Variants in TRIM69 observed in about 807,000 individuals in gnomAD.
TRIM69 encodes the protein E3 ubiquitin-protein ligase TRIM69.
A neutral mutation model predicts 37.7 loss-of-function variants in TRIM69; 29 were observed. The ratio of observed to expected loss-of-function variants is 0.77; its 90% CI spans 0.57 to 1.05. TRIM69 has a LOEUF of 1.05. Ranked by LOEUF, TRIM69 falls within the 50% of genes least tolerant of loss-of-function variation. The pLI, the probability that TRIM69 is intolerant of heterozygous loss-of-function variation, is 0.00. For missense variants in TRIM69, 596 were observed against 579.9 expected (o/e 1.03, Z -0.28); for synonymous variants, 209 against 212.4 (o/e 0.98, Z 0.14).
intron 1 of TRIM69, among the ~76,000 whole-genome samples, chr15:44,737,947 G>T (rs2141302936): frequency 6.6e-6 from 1 of 151,980 alleles, no homozygotes; most frequent in Middle Eastern, 3.4e-3. Context: ...AAAAATTAAG[G>T]ATTTCTTATG....
At chr15:44,740,975 A>G (rs1177169360) in intron 1 of TRIM69, among the ~76,000 whole-genome samples, 8 of 152,032 alleles carry the variant, frequency 5.3e-5, no homozygotes, top group Non-Finnish European at 1.2e-4. Context: ...CCTAATAGAC[A>G]TCTACAGAAC....
chr15:44,755,062 G>A lies in TRIM69; in HGVS notation c.169G>A (p.Gly57Ser), dbSNP rs765939742. Residue 57 changes from glycine (G) to serine (S), a missense_variant, in exon 2 of 7, where the codon GGC becomes AGC. Gly to Ser is a moderately conservative substitution (Grantham distance 56, BLOSUM62 0). Coordinates refer to ENST00000329464, the MANE Select transcript of TRIM69 (RefSeq NM_182985.5). The stretch of plus-strand genomic sequence containing the variant: ...CCGAGACCCACTGATGCTAAGCTGT[G>A]GCCACAACTTCTGTGAAGCCTGTAT... ...WFRDPLMLSC[G>S]HNFCEACIQD... The A allele has an allele frequency of 6.2e-7, 1 of 1,614,146 alleles. No individual in the cohort carries two copies. Among genetic ancestry groups the A allele is most frequent in the Admixed American group, 1.7e-5 (1 of 60,014 alleles).
intron 1 of TRIM69, among the ~76,000 whole-genome samples, chr15:44,737,409 C>T (rs1209144712): frequency 6.6e-6 from 1 of 152,082 alleles, no homozygotes; most frequent in Non-Finnish European, 1.5e-5. Context: ...TTGAAGCAAA[C>T]AGGGCTATAA....
chr15:44,740,070 C>G (rs2087248572), intron 1 of TRIM69, among the ~76,000 whole-genome samples: 5 of 152,212 alleles, frequency 3.3e-5, no homozygotes, highest in Admixed American at 3.3e-4. Context: ...ATTCGCGGTT[C>G]ACGAAAATCC....
chr15:44,767,273 A>T lies in TRIM69; in HGVS notation c.1004A>T (p.Asn335Ile). 6.2e-7 allele frequency: 1 copy of T among 1,613,798 alleles called. No individual in the cohort carries two copies. Among genetic ancestry groups the T allele is most frequent in the South Asian group, 1.1e-5 (1 of 91,054 alleles). The change falls in exon 7 of 7, where the codon AAT becomes ATT. Residue 335 changes from asparagine (N) to isoleucine (I), a missense_variant. Physicochemically the swap from Asn to Ile is moderately radical, Grantham distance 149. Transcript: ENST00000329464. Reference protein sequence around the residue: ...LTLDPKTAHPNLVLSKSQTSV... With the variant: ...LTLDPKTAHPILVLSKSQTSV... ...CTGGACCCTAAAACAGCTCACCCAA[A>T]TCTGGTGCTCTCCAAAAGCCAAACC...
At chr15:44,737,726 A>G (rs1050512543) in intron 1 of TRIM69, among the ~76,000 whole-genome samples, 31 of 152,124 alleles carry the variant, frequency 2.0e-4, no homozygotes, top group African/African-American at 7.5e-4. Context: ...TCTTAGGTTT[A>G]AGCTGGCTGT....
chr15:44,758,774 G>A lies in TRIM69; in HGVS notation c.733G>A (p.Glu245Lys), dbSNP rs751151357. The A allele has an allele frequency of 1.2e-5, 20 of 1,614,150 alleles. No individual in the cohort carries two copies. The highest frequency in any genetic ancestry group is 1.6e-5 in the Non-Finnish European group (19 of 1,180,014). ...EMELNLSQLQ[E>K]QCLLAKDMLV... ...GGAGTTGAATCTGAGCCAGCTTCAG[G>A]AGCAATGTCTCTTAGCCAAGGATAT... Residue 245 changes from glutamate to lysine, a missense_variant, in exon 4 of 7, where the codon GAG becomes AAG. Transcript: ENST00000329464.
chr15:44,758,608 TG>T lies in TRIM69; in HGVS notation c.580-11del, dbSNP rs778139615. The T allele has an allele frequency of 2.4e-5, 38 of 1,613,672 alleles. No individual in the cohort carries two copies. The African/African-American group carries it at 4.5e-4, about 19-fold the overall frequency. On this transcript the variant is annotated splice_polypyrimidine_tract_variant and intron_variant, in intron 3 of 6. Transcript: ENST00000329464. ...TCTGCAATAACCATGGTGATAATCA[TG>T]GAGGTTTCCAGGAAAACAAGCTACA...
chr15:44,749,910 T>G (rs1017390275), intron 1 of TRIM69, among the ~76,000 whole-genome samples: 9 of 152,226 alleles, frequency 5.9e-5, no homozygotes, highest in Non-Finnish European at 1.0e-4. Flanking sequence ...ATTAAAAAAT[T>G]ACGGCAATAC....
chr15:44,756,396 T>G lies in TRIM69; in HGVS notation c.512T>G (p.Leu171Arg). The G allele has an allele frequency of 1.3e-6, 2 of 1,550,942 alleles. No individual in the cohort carries two copies. The highest frequency in any genetic ancestry group is 1.7e-6 in the Non-Finnish European group (2 of 1,146,808). Residue 171 changes from leucine (L) to arginine (R), a missense_variant, in exon 3 of 7, where the codon CTG (leucine) becomes CGG (arginine). Leu to Arg is a moderately radical substitution (Grantham distance 102, BLOSUM62 -2). Coordinates refer to ENST00000329464, the MANE Select transcript of TRIM69 (RefSeq NM_182985.5). ...TEELAIQQGQ[L>R]ETTLKELQTL... ...GAGCTTGCCATCCAACAGGGTCAAC[T>G]GGAGACAACTCTGAAGGAGCTTCAG...
At chr15:44,750,312 G>C (rs2087492207) in intron 1 of TRIM69, among the ~76,000 whole-genome samples, 1 of 152,168 alleles carries the variant, frequency 6.6e-6, no homozygotes, top group Non-Finnish European at 1.5e-5. Context: ...GGAAGAGTTT[G>C]AGAAGGATTG....
At chr15:44,739,112 T>C (rs8033099) in intron 1 of TRIM69, among the ~76,000 whole-genome samples, 9,558 of 152,278 alleles carry the variant, frequency 0.063, 330 homozygotes, top group African/African-American at 0.083. Context: ...TTATCACCAC[T>C]ATCTAATTCC....
chr15:44,743,102 G>GGTACCA (rs2087327396), intron 1 of TRIM69, among the ~76,000 whole-genome samples: 1 of 152,114 alleles, frequency 6.6e-6, no homozygotes, highest in Admixed American at 6.5e-5. Flanking sequence ...GCATGGTACT[G>GGTACCA]GTACCAAAAC....
At position 44,755,003 on chromosome 15, in the gene TRIM69, T is replaced by C. The variant is rs771144186; in HGVS notation, c.110T>C (p.Met37Thr). Residue 37 changes from methionine (M) to threonine (T), a missense_variant, in exon 2 of 7, where the codon ATG becomes ACG. Coordinates refer to ENST00000329464, the MANE Select transcript of TRIM69 (RefSeq NM_182985.5). ...AAAGTGGTGATACAAGATATTACTA[T>C]GGAGCTACACTGCCCTCTGTGCAAT... ...PSKVVIQDIT[M>T]ELHCPLCNDW... 1.9e-6 allele frequency: 3 copies of C among 1,614,200 alleles called. No homozygotes were observed. In the East Asian group the frequency reaches 6.7e-5, roughly 36 times the overall value.
At chr15:44,756,247 G>T in intron 2 of TRIM69, 121 bp from the exon 3 acceptor site, 1 of 646,316 alleles carries the variant, frequency 1.5e-6, no homozygotes, top group South Asian at 1.9e-5. Context: ...TACAGGGGAA[G>T]GGGAAGATTT....
chr15:44,738,127 C>A (rs1454420920), intron 1 of TRIM69, among the ~76,000 whole-genome samples: 6 of 149,840 alleles, frequency 4.0e-5, no homozygotes, highest in Non-Finnish European at 7.4e-5. Flanking sequence ...GGCACCATCT[C>A]AGCTCACTGC....
In TRIM69 at chr15:44,736,668, A is replaced by C; in HGVS notation, c.-37A>C. 6.2e-7 allele frequency: 1 copy of C among 1,610,354 alleles called. No homozygotes were observed. Among genetic ancestry groups the C allele is most frequent in the Non-Finnish European group, 8.5e-7 (1 of 1,178,522 alleles). ...TCCTGGGCCTGCTGAGCTCTGATTC[A>C]AGTGCCTGCCTCTGCCCCTTGGTGG... On this transcript the variant is annotated 5_prime_UTR_variant, in exon 1 of 7. Transcript: ENST00000329464.
intron 6 of TRIM69, 80 bp from the exon 7 acceptor site, chr15:44,767,151 T>C: frequency 8.4e-7 from 1 of 1,196,630 alleles, no homozygotes; most frequent in Non-Finnish European, 1.2e-6. Flanking sequence ...CTATTGAATA[T>C]GAAATACTAT....
chr15:44,758,549 T>C, intron 3 of TRIM69, 72 bp from the exon 4 acceptor site: 1 of 1,582,804 alleles, frequency 6.3e-7, no homozygotes, highest in East Asian at 2.3e-5. Context: ...GTGTGAGTGT[T>C]GGTGGTGTGG....
Sources: gnomAD v4.1 joint callset for allele counts (sites outside exome capture counted in the v4.1 genomes callset) on GRCh38, gnomAD v4.1.1 for gene constraint, MANE v1.5 for transcripts, NCBI Gene and HGNC (gene_info 2026-07-23, HGNC 2026-07-21) for gene names.